The following MAML3 variants were observed in gnomAD, a reference collection of about 807,000 sequenced individuals.
The protein encoded by MAML3 is mastermind-like protein 3.
In MAML3, 27 loss-of-function variants were observed where a neutral mutation model predicts 101.9. The ratio of observed to expected loss-of-function variants is 0.27; its 90% CI spans 0.20 to 0.37. MAML3 has a LOEUF of 0.37. Ranked by LOEUF, MAML3 falls within the 10% of genes least tolerant of loss-of-function variation. MAML3 has a pLI of 1.00. For missense variants in MAML3, 1,316 were observed against 1,444.9 expected (o/e 0.91, Z 1.45); for synonymous variants, 501 against 555.9 (o/e 0.90, Z 1.39).
At chr4:139,887,414 G>A (rs1049615585) in intron 2 of MAML3, among the ~76,000 whole-genome samples, 30 of 152,296 alleles carry the variant, frequency 2.0e-4, no homozygotes, top group African/African-American at 6.7e-4. Context: ...AAGAGAGGAG[G>A]AGCACACAGA....
intron 2 of MAML3, among the ~76,000 whole-genome samples, chr4:139,861,106 C>G (rs551938336): frequency 2.0e-5 from 3 of 152,174 alleles, no homozygotes; most frequent in African/African-American, 4.8e-5. Flanking sequence ...CAATGCGATC[C>G]ATGCATCATT....
chr4:139,869,668 A>G (rs1731963866), intron 2 of MAML3, among the ~76,000 whole-genome samples: 1 of 152,144 alleles, frequency 6.6e-6, no homozygotes, highest in Non-Finnish European at 1.5e-5. Flanking sequence ...CTCCAACAAA[A>G]CACACGTAAT....
In MAML3 at chr4:139,810,168, T is replaced by C. The variant is rs1026403700; in HGVS notation, c.2079+79189A>G. Among the ~76,000 whole-genome samples, 12 of 151,290 alleles carry C rather than the reference T, an allele frequency of 7.9e-5. No homozygotes were observed. In the East Asian group the frequency reaches 2.1e-3, roughly 27 times the overall value. On this transcript the variant is annotated intron_variant, in intron 2 of 4. Coordinates refer to ENST00000509479, the MANE Select transcript of MAML3 (RefSeq NM_018717.5). Reference sequence around the variant, plus strand: ...TGCTTTGCCAAGAGGTATCATGCAATATGTAAACCAAAATTGATTTTTTTT... The same window carrying C: ...TGCTTTGCCAAGAGGTATCATGCAACATGTAAACCAAAATTGATTTTTTTT...
chr4:140,124,467 C>T (rs926560931), intron 1 of MAML3, among the ~76,000 whole-genome samples: 1 of 152,168 alleles, frequency 6.6e-6, no homozygotes, highest in South Asian at 2.1e-4. Context: ...GAAACACGCT[C>T]AGACATCTCC....
chr4:140,139,108 C>A (rs1051894132), intron 1 of MAML3, among the ~76,000 whole-genome samples: 1 of 150,668 alleles, frequency 6.6e-6, no homozygotes, highest in Admixed American at 6.6e-5. Flanking sequence ...ACCATCTCTA[C>A]AAAAAATTTT....
intron 2 of MAML3, among the ~76,000 whole-genome samples, chr4:139,831,796 C>CTT (rs72068259): frequency 2.1e-5 from 3 of 143,438 alleles, no homozygotes; most frequent in Non-Finnish European, 3.1e-5. Flanking sequence ...CCCTCTCACT[C>CTT]TTTTTTTTTT....
chr4:140,093,830 C>T (rs1728104425), intron 1 of MAML3, among the ~76,000 whole-genome samples: 1 of 152,150 alleles, frequency 6.6e-6, no homozygotes, highest in South Asian at 2.1e-4. Flanking sequence ...TTGAAACCTC[C>T]CATGATTGTA....
At chr4:139,950,419 A>G (rs1278691461) in intron 1 of MAML3, among the ~76,000 whole-genome samples, 1 of 152,092 alleles carries the variant, frequency 6.6e-6, no homozygotes, top group Non-Finnish European at 1.5e-5. Flanking sequence ...ACAGTCAAAT[A>G]AGCCAGTTCT....
intron 1 of MAML3, among the ~76,000 whole-genome samples, chr4:140,013,893 A>G (rs1726603466): frequency 6.6e-6 from 1 of 152,236 alleles, no homozygotes; most frequent in Non-Finnish European, 1.5e-5. Flanking sequence ...CAGCAAAGGT[A>G]TATAAATGAT....
chr4:140,015,629 C>T (rs1336409693), intron 1 of MAML3, among the ~76,000 whole-genome samples: 3 of 152,092 alleles, frequency 2.0e-5, no homozygotes, highest in Non-Finnish European at 4.4e-5. Context: ...AAGTGCTAGC[C>T]AGGGCAATAA....
chr4:139,936,776 C>A (rs1345577482), intron 1 of MAML3, among the ~76,000 whole-genome samples: 1 of 152,158 alleles, frequency 6.6e-6, no homozygotes, highest in Admixed American at 6.5e-5. Context: ...TCCTCTTTAT[C>A]TTTTCCCCCA....
chr4:139,910,578 G>A (rs554575945), intron 1 of MAML3, among the ~76,000 whole-genome samples: 1 of 152,312 alleles, frequency 6.6e-6, no homozygotes, highest in South Asian at 2.1e-4. Context: ...TACTGTAAAT[G>A]AATGCCAGTT....
intron 1 of MAML3, among the ~76,000 whole-genome samples, chr4:139,924,226 G>A (rs564465935): frequency 6.6e-6 from 1 of 152,270 alleles, no homozygotes; most frequent in South Asian, 2.1e-4. Context: ...TAAAATCACA[G>A]AAGGAAATTC....
intron 1 of MAML3, among the ~76,000 whole-genome samples, chr4:139,917,048 T>A (rs569835185): frequency 6.6e-6 from 1 of 152,348 alleles, no homozygotes; most frequent in East Asian, 1.9e-4. Flanking sequence ...CTGAGAATGC[T>A]AGAAAACTGT....
chr4:140,088,056 T>C lies in MAML3; in HGVS notation c.468+64804A>G, dbSNP rs150921611. 6.4e-3 allele frequency among the ~76,000 whole-genome samples: 975 copies of C among 152,104 alleles called. 12 individuals carry two copies. The highest frequency in any genetic ancestry group is 0.022 in the African/African-American group (930 of 41,480). ...TCAGCTTGGGCGACATCGCAAGACCTCAACTCCAAAAAAAATTTAAAAAAT... is the reference window on the plus strand; with the variant it reads ...TCAGCTTGGGCGACATCGCAAGACCCCAACTCCAAAAAAAATTTAAAAAAT... On this transcript the variant is annotated intron_variant, in intron 1 of 4. Coordinates refer to ENST00000509479, the MANE Select transcript of MAML3 (RefSeq NM_018717.5).
At chr4:139,766,916 T>C (rs1056862701) in intron 2 of MAML3, among the ~76,000 whole-genome samples, 40 of 152,218 alleles carry the variant, frequency 2.6e-4, no homozygotes, top group African/African-American at 9.2e-4. Context: ...GCTGAGCTAG[T>C]TGCCCTCTGT....
intron 1 of MAML3, among the ~76,000 whole-genome samples, chr4:140,017,334 T>C (rs1467452221): frequency 2.0e-5 from 3 of 152,156 alleles, no homozygotes; most frequent in Non-Finnish European, 4.4e-5. Flanking sequence ...AAATGGACCA[T>C]TTGTACATTG....
intron 1 of MAML3, among the ~76,000 whole-genome samples, chr4:139,985,622 G>A (rs1734524300): frequency 6.6e-6 from 1 of 152,180 alleles, no homozygotes; most frequent in South Asian, 2.1e-4. Flanking sequence ...CCCAAATAAG[G>A]AATGCATAGA....
intron 1 of MAML3, among the ~76,000 whole-genome samples, chr4:140,004,126 C>A (rs774233795): frequency 3.9e-5 from 6 of 152,168 alleles, no homozygotes; most frequent in Non-Finnish European, 7.4e-5. Context: ...ATTTCAGAAG[C>A]CTTTCTGAAC....
Sources: gnomAD v4.1 joint callset for allele counts (sites outside exome capture counted in the v4.1 genomes callset) on GRCh38, gnomAD v4.1.1 for gene constraint, MANE v1.5 for transcripts, NCBI Gene and HGNC (gene_info 2026-07-23, HGNC 2026-07-21) for gene names.